EXD1: variants seen among roughly 807,000 people sequenced by gnomAD.
EXD1 encodes exonuclease 3'-5' domain containing 1.
In EXD1, 63 loss-of-function variants were observed where a neutral mutation model predicts 49.1. The ratio of observed to expected loss-of-function variants is 1.28; its 90% CI spans 1.05 to 1.58. The LOEUF (loss-of-function observed/expected upper bound fraction) is 1.58, where lower values mean the gene tolerates loss of function less well. EXD1 is among the 40% of genes most tolerant of loss of function. The pLI, the probability that EXD1 is intolerant of heterozygous loss-of-function variation, is 0.00. For missense variants in EXD1, 748 were observed against 666.0 expected, an observed-to-expected ratio of 1.12 and a Z score of -1.36; for synonymous variants, 234 against 239.2, an observed-to-expected ratio of 0.98 and a Z score of 0.20.
intron 6 of EXD1, among the ~76,000 whole-genome samples, chr15:41,212,671 A>G (rs932878006): frequency 2.0e-5 from 3 of 152,198 alleles, no homozygotes; most frequent in Non-Finnish European, 4.4e-5. Context: ...CACAATAACC[A>G]CAAAGAAGAA....
intron 2 of EXD1, among the ~76,000 whole-genome samples, chr15:41,226,160 G>A (rs548926092): frequency 6.6e-6 from 1 of 151,414 alleles, no homozygotes; most frequent in African/African-American, 2.4e-5. Flanking sequence ...GCTGAGGCAG[G>A]AGAATGGTGT....
rs748905860 is a variant in EXD1, at chr15:41,190,041, G to A, written c.952C>T (p.Arg318Cys). Residue 318 changes from arginine to cysteine, a missense_variant, in exon 11 of 12, where the codon CGC becomes TGC. Transcript: ENST00000458580. ...ATCATCTCATCTAGGAGTGCCAAGC[G>A]AAGGGGTAACAGGTAGGTAGCTTCC... Reference protein sequence around the residue: ...ALEATYLLPLRLALLDEMMSD... With the variant: ...ALEATYLLPLCLALLDEMMSD... The A allele has an allele frequency of 5.0e-6, 8 of 1,614,014 alleles. No individual in the cohort carries two copies. Among genetic ancestry groups the A allele is most frequent in the East Asian group, 4.5e-5 (2 of 44,890 alleles).
chr15:41,224,376 A>G (rs747374777), intron 2 of EXD1, among the ~76,000 whole-genome samples: 66 of 152,200 alleles, frequency 4.3e-4, no homozygotes, highest in Non-Finnish European at 1.6e-4. Flanking sequence ...TTACAATCCC[A>G]TCCTAGCCCA....
chr15:41,197,825 T>C (rs1162193478), intron 7 of EXD1, among the ~76,000 whole-genome samples: 10 of 151,566 alleles, frequency 6.6e-5, no homozygotes, highest in Admixed American at 2.6e-4. Context: ...GGGGTTTCAC[T>C]ATGTTGGCCA....
chr15:41,188,266 G>A (rs977471291), intron 11 of EXD1, among the ~76,000 whole-genome samples: 6 of 151,694 alleles, frequency 4.0e-5, no homozygotes. Flanking sequence ...TTTGGCCAGC[G>A]GGCTATAGTT....
chr15:41,220,323 T>C (rs1417518107), intron 2 of EXD1, among the ~76,000 whole-genome samples: 2 of 152,018 alleles, frequency 1.3e-5, no homozygotes, highest in East Asian at 1.9e-4. Flanking sequence ...TAGGCTGCAG[T>C]GCAGTAGCGC....
intron 7 of EXD1, among the ~76,000 whole-genome samples, chr15:41,199,715 T>TGA (rs1193082923): frequency 1.1e-5 from 1 of 91,792 alleles, no homozygotes; most frequent in African/African-American, 3.9e-5. Context: ...ATCATATATA[T>TGA]GATATATTAT....
chr15:41,205,578 G>C (rs1415279196), intron 7 of EXD1, among the ~76,000 whole-genome samples: 1 of 151,972 alleles, frequency 6.6e-6, no homozygotes, highest in Non-Finnish European at 1.5e-5. Context: ...GGGAGTTTGA[G>C]ACCAGCCTGG....
Position 41,219,836 on chromosome 15 carries a change from C to T in EXD1, c.196G>A (p.Val66Met), listed in dbSNP as rs1192552408. ...AGGAACATGGGGGTCTCACCATTCA[C>T]AATCTCATGCCCAAAAAACAACTTC... Reference protein sequence around the residue: ...GVKLFFGHEIVNVELLDEVEQ... With the variant: ...GVKLFFGHEIMNVELLDEVEQ... The change falls in exon 3 of 12, where the codon GTG (valine) becomes ATG (methionine). Residue 66 changes from valine to methionine, a missense_variant. Val to Met is a conservative substitution (Grantham distance 21). Coordinates refer to ENST00000458580, the MANE Select transcript of EXD1 (RefSeq NM_001286441.2). 1.3e-6 allele frequency: 2 copies of T among 1,535,554 alleles called. No individual in the cohort carries two copies. The highest frequency in any genetic ancestry group is 1.7e-6 in the Non-Finnish European group (2 of 1,146,580).
At chr15:41,201,890 A>C (rs1459180243) in intron 7 of EXD1, among the ~76,000 whole-genome samples, 1 of 151,982 alleles carries the variant, frequency 6.6e-6, no homozygotes, top group African/African-American at 2.4e-5. Context: ...GGTGTGGCTC[A>C]TGTCTATATC....
Position 41,184,062 on chromosome 15 carries a change from G to A in EXD1, c.1588C>T (p.Pro530Ser), listed in dbSNP as rs772311072. The A allele has an allele frequency of 5.0e-6, 8 of 1,614,212 alleles. No individual in the cohort carries two copies. Among genetic ancestry groups the A allele is most frequent in the Non-Finnish European group, 6.8e-6 (8 of 1,180,042 alleles). Residue 530 changes from proline to serine, a missense_variant, in exon 12 of 12, where the codon CCT becomes TCT. Physicochemically the swap from Pro to Ser is moderately conservative, Grantham distance 74 (BLOSUM62 -1). Transcript: ENST00000458580. ...TKQAVSMSSF[P>S]QETRVSPSDT... ...CTTGGAGACACTCTGGTTTCCTGAG[G>A]AAAGGAAGACATTGAAACAGCCTGT...
At chr15:41,209,399 G>C (rs1282279323) in intron 7 of EXD1, 102 bp downstream of exon 7, 1 of 962,488 alleles carries the variant, frequency 1.0e-6, no homozygotes, top group Non-Finnish European at 1.6e-6. Flanking sequence ...GACAGAGTGA[G>C]ATCCCATCTC....
rs994571869 is a variant in EXD1 at position 41,183,346 on chromosome 15, G to C, written c.*585C>G. On this transcript the variant is annotated 3_prime_UTR_variant, in exon 12 of 12. Transcript: ENST00000458580. ...TTCCTATAACATTATTTGCCTAAGA[G>C]ACAGACAAAACATTCAACATTCAAA... is the stretch of plus-strand genomic sequence containing the variant. The C allele has an allele frequency of 6.6e-6, 1 of 151,896 alleles. No homozygotes were observed. The highest frequency in any genetic ancestry group is 6.6e-5 in the Admixed American group (1 of 15,202). 9.4% of individuals were successfully genotyped at this position (151,896 alleles called of 1,614,324 possible).
intron 11 of EXD1, among the ~76,000 whole-genome samples, chr15:41,188,015 CAAAAAA>C (rs11321304): frequency 8.1e-5 from 9 of 111,650 alleles, no homozygotes; most frequent in Admixed American, 9.9e-5. Context: ...AACCCCGTCT[CAAAAAA>C]AAAAAAAAAA....
chr15:41,202,957 C>G (rs1467746161), intron 7 of EXD1, among the ~76,000 whole-genome samples: 1 of 151,426 alleles, frequency 6.6e-6, no homozygotes, highest in Non-Finnish European at 1.5e-5. Flanking sequence ...ATGTTTTCCC[C>G]TGCTACTTTA....
intron 2 of EXD1, among the ~76,000 whole-genome samples, chr15:41,222,407 C>T (rs1168219937): frequency 6.6e-6 from 1 of 152,154 alleles, no homozygotes; most frequent in African/African-American, 2.4e-5. Flanking sequence ...TGAGCCACAG[C>T]GCCCAGCCGC....
At chr15:41,206,010 T>G (rs1014864381) in intron 7 of EXD1, among the ~76,000 whole-genome samples, 17 of 151,350 alleles carry the variant, frequency 1.1e-4, no homozygotes, top group Non-Finnish European at 2.1e-4. Context: ...CTCCCATAAA[T>G]TCTGAATTCT....
In EXD1 at chr15:41,183,854, A is replaced by G. The variant is rs2046358681; in HGVS notation, c.*77T>C. The G allele has an allele frequency of 1.4e-6, 2 of 1,407,286 alleles. No individual in the cohort carries two copies. Among genetic ancestry groups the G allele is most frequent in the Non-Finnish European group, 1.9e-6 (2 of 1,039,820 alleles). The allele number at this position is 1,407,286 out of a possible 1,614,324, so 87.2% of individuals were successfully genotyped here. On this transcript the variant is annotated 3_prime_UTR_variant, in exon 12 of 12. Coordinates refer to ENST00000458580, the MANE Select transcript of EXD1 (RefSeq NM_001286441.2). ...GCATTACTACATTTACAACATGAGA[A>G]ACCTGGGCACTGTGGAAAGCCCTGA...
chr15:41,221,416 C>T (rs1232864825), intron 2 of EXD1, among the ~76,000 whole-genome samples: 1 of 151,548 alleles, frequency 6.6e-6, no homozygotes, highest in African/African-American at 2.4e-5. Flanking sequence ...GGACTGCAGG[C>T]TTGTGCCAGC....
Sources: gnomAD v4.1 joint callset for allele counts (sites outside exome capture counted in the v4.1 genomes callset) on GRCh38, gnomAD v4.1.1 for gene constraint, MANE v1.5 for transcripts, NCBI Gene and HGNC (gene_info 2026-07-23, HGNC 2026-07-21) for gene names.